Variants in TRABD2B observed in about 807,000 individuals in gnomAD.
TRABD2B encodes the protein TraB domain containing 2B.
In TRABD2B, 14 loss-of-function variants were observed where a neutral mutation model predicts 40.1. That is an observed-to-expected ratio of 0.35 (90% CI 0.23 to 0.55). The LOEUF (loss-of-function observed/expected upper bound fraction) is 0.55. TRABD2B is among the 20% of genes least tolerant of loss of function. The pLI is 0.90. For synonymous variants in TRABD2B, 263 were observed against 277.0 expected (o/e 0.95, Z 0.50); for missense variants, 541 against 648.6 (o/e 0.83, Z 1.80).
intron 3 of TRABD2B, 39 bp downstream of exon 3, chr1:47,801,434 T>C: frequency 6.5e-7 from 1 of 1,528,128 alleles, no homozygotes. Context: ...AGGGATCTAA[T>C]AAATGCCAGG....
At position 47,773,624 on chromosome 1, in the gene TRABD2B, T is replaced by C. The variant is rs150991098; in HGVS notation, c.1349+1546A>G. ...TCTCTTTGCCTGCTGCCATGTAAGATGTGGCTTTGCTCCTCCTTGCCTTCT... is the reference window on the plus strand; with the variant it reads ...TCTCTTTGCCTGCTGCCATGTAAGACGTGGCTTTGCTCCTCCTTGCCTTCT... On this transcript the variant is annotated intron_variant, in intron 6 of 6. Transcript: ENST00000606738. Among the ~76,000 whole-genome samples, 810 of 152,346 alleles carry C rather than the reference T, an allele frequency of 5.3e-3. 7 individuals carry two copies. The highest frequency in any genetic ancestry group is 0.018 in the African/African-American group (768 of 41,578).
intron 6 of TRABD2B, among the ~76,000 whole-genome samples, chr1:47,769,933 C>T (rs1031239745): frequency 2.0e-5 from 3 of 152,346 alleles, no homozygotes; most frequent in Admixed American, 2.0e-4. Context: ...GAAGCCAGAG[C>T]GAGATCTTAG....
chr1:47,880,570 T>G (rs1644288909), intron 2 of TRABD2B, among the ~76,000 whole-genome samples: 2 of 150,782 alleles, frequency 1.3e-5, no homozygotes, highest in South Asian at 2.1e-4. Flanking sequence ...GAGTGGGGAG[T>G]CGCTAGGTTT....
chr1:47,909,773 TC>T (rs1557651363), intron 2 of TRABD2B, among the ~76,000 whole-genome samples: 1 of 6,010 alleles, frequency 1.7e-4, no homozygotes. Flanking sequence ...TCCCTTCCCC[TC>T]CCCTCCCCTC....
intron 3 of TRABD2B, among the ~76,000 whole-genome samples, chr1:47,795,341 C>T (rs76059364): frequency 0.01 from 1,593 of 152,360 alleles, 11 homozygotes; most frequent in Non-Finnish European, 0.017. Flanking sequence ...CCTTGTGTCT[C>T]TGCCCTGCTG....
intron 2 of TRABD2B, among the ~76,000 whole-genome samples, chr1:47,867,230 G>A (rs72894258): frequency 0.036 from 5,511 of 152,196 alleles, 321 homozygotes; most frequent in African/African-American, 0.13. Flanking sequence ...ACCAACATCC[G>A]GGCTTCCATA....
At chr1:47,772,377 C>A (rs541398303) in intron 6 of TRABD2B, among the ~76,000 whole-genome samples, 2 of 151,594 alleles carry the variant, frequency 1.3e-5, no homozygotes, top group Non-Finnish European at 2.9e-5. Context: ...CCTCGGGTGG[C>A]ACTCAGCCTG....
rs965710398 is a variant in TRABD2B at position 47,908,432 on chromosome 1, G to A, written c.666+85602C>T. ...TGGGAGAACTCAGGCCAATCAAGAAGTCCTCTGGGCCTCAGCTTCCTCATC... is the reference window on the plus strand; with the variant it reads ...TGGGAGAACTCAGGCCAATCAAGAAATCCTCTGGGCCTCAGCTTCCTCATC... On this transcript the variant is annotated intron_variant, in intron 2 of 6. Coordinates refer to ENST00000606738, the MANE Select transcript of TRABD2B (RefSeq NM_001194986.2). 7.9e-5 allele frequency among the ~76,000 whole-genome samples: 12 copies of A among 152,336 alleles called. No individual in the cohort carries two copies. In the East Asian group the frequency reaches 2.3e-3, roughly 29 times the overall value.
intron 2 of TRABD2B, among the ~76,000 whole-genome samples, chr1:47,829,004 C>A (rs1645214024): frequency 6.6e-6 from 1 of 152,166 alleles, no homozygotes; most frequent in East Asian, 1.9e-4. Context: ...GAGGACAATG[C>A]TCTCATTTGA....
intron 2 of TRABD2B, among the ~76,000 whole-genome samples, chr1:47,870,775 G>T (rs1333318969): frequency 6.6e-6 from 1 of 152,210 alleles, no homozygotes; most frequent in Non-Finnish European, 1.5e-5. Context: ...AAGTGCAGCA[G>T]GAAGCCTGAC....
At chr1:47,852,399 C>T (rs890863653) in intron 2 of TRABD2B, among the ~76,000 whole-genome samples, 7 of 152,196 alleles carry the variant, frequency 4.6e-5, no homozygotes, top group African/African-American at 1.7e-4. Flanking sequence ...TCTGCCTCCC[C>T]CACTTCCTGA....
At chr1:47,852,530 C>G (rs1050935924) in intron 2 of TRABD2B, among the ~76,000 whole-genome samples, 2 of 152,176 alleles carry the variant, frequency 1.3e-5, no homozygotes, top group South Asian at 4.1e-4. Context: ...TGCAGCCCAC[C>G]AGGGCCACCA....
chr1:47,929,183 G>T (rs972761726), intron 2 of TRABD2B, among the ~76,000 whole-genome samples: 2 of 152,308 alleles, frequency 1.3e-5, no homozygotes, highest in South Asian at 4.2e-4. Context: ...AGGCAAGCAA[G>T]GCACCTGGAG....
At chr1:47,817,690 C>CTAGA (rs1645052582) in intron 2 of TRABD2B, among the ~76,000 whole-genome samples, 2 of 152,216 alleles carry the variant, frequency 1.3e-5, no homozygotes, top group African/African-American at 4.8e-5. Flanking sequence ...GGACTGATAT[C>CTAGA]TGCTCCTCTA....
chr1:47,993,550 C>T (rs1167783795), intron 2 of TRABD2B, among the ~76,000 whole-genome samples: 1 of 152,184 alleles, frequency 6.6e-6, no homozygotes, highest in Non-Finnish European at 1.5e-5. Context: ...AAATGGCAAG[C>T]AGCACTCTAC....
At chr1:47,802,430 G>A (rs193014560) in intron 2 of TRABD2B, among the ~76,000 whole-genome samples, 1 of 152,284 alleles carries the variant, frequency 6.6e-6, no homozygotes, top group Admixed American at 6.5e-5. Context: ...GAAGGGAAGG[G>A]AGGGACCTGC....
In TRABD2B at chr1:47,772,017, T is replaced by C. The variant is rs781543784; in HGVS notation, c.1349+3153A>G. Among the ~76,000 whole-genome samples the C allele has an allele frequency of 4.7e-4, 72 of 151,936 alleles. 1 individual carries two copies. Among genetic ancestry groups the C allele is most frequent in the Non-Finnish European group, 2.1e-4 (14 of 67,970 alleles). ...AGCATGAGTGAGGACTCGCAGTCTGTGCTACTGTGTCAGGACAGGGGCACC... is the reference window on the plus strand; with the variant it reads ...AGCATGAGTGAGGACTCGCAGTCTGCGCTACTGTGTCAGGACAGGGGCACC... On this transcript the variant is annotated intron_variant, in intron 6 of 6. Transcript: ENST00000606738.
At chr1:47,970,847 C>T (rs1368336300) in intron 2 of TRABD2B, among the ~76,000 whole-genome samples, 1 of 152,148 alleles carries the variant, frequency 6.6e-6, no homozygotes, top group Non-Finnish European at 1.5e-5. Flanking sequence ...ATGAGCTCAA[C>T]TAAAGCAAGC....
In TRABD2B at chr1:47,841,792, T is replaced by C. The variant is rs181986281; in HGVS notation, c.667-40173A>G. ...CTCCTTTTCTTTTCTTTTTCTTTTT[T>C]TTTTTTTTTTGAGACAGAGTCTCGC... On this transcript the variant is annotated intron_variant, in intron 2 of 6. Transcript: ENST00000606738. Among the ~76,000 whole-genome samples, 913 of 150,398 alleles carry C rather than the reference T, an allele frequency of 6.1e-3. 4 individuals are homozygous for C. Among genetic ancestry groups the C allele is most frequent in the Non-Finnish European group, 8.7e-3 (586 of 67,456 alleles).
Sources: allele counts gnomAD v4.1 joint callset (sites outside exome capture counted in the v4.1 genomes callset), GRCh38; gene constraint gnomAD v4.1.1; transcripts MANE v1.5; gene names NCBI Gene and HGNC (gene_info 2026-07-23, HGNC 2026-07-21).